DDTL: variants seen among roughly 807,000 people sequenced by gnomAD.
DDTL encodes the protein putative D-dopachrome decarboxylase-like protein.
Under a neutral mutation model 1.1 loss-of-function variants are expected in DDTL, and 1 was observed. The observed-to-expected ratio is 0.91, with a 90% CI of 0.32 to 4.31. DDTL has a LOEUF of 4.31. Ranked by LOEUF, DDTL falls within the 30% of genes most tolerant of loss-of-function variation. The pLI is 0.17. For synonymous variants in DDTL, 21 were observed against 16.6 expected, an observed-to-expected ratio of 1.26 and a Z score of -0.64; for missense variants, 54 against 48.9, an observed-to-expected ratio of 1.10 and a Z score of -0.31.
In DDTL at chr22:23,971,415, A is replaced by G; in HGVS notation, c.*9A>G. ...TCATTTATTTCATATGAGGATGAAG[A>G]AGAGGATTATGTGATCACAGGAATG... On this transcript the variant is annotated 3_prime_UTR_variant, in exon 3 of 3. Transcript: ENST00000215770. 1 of 1,612,936 alleles carries G rather than the reference A, an allele frequency of 6.2e-7. No homozygotes were observed. The highest frequency in any genetic ancestry group is 2.2e-5 in the East Asian group (1 of 44,870).
rs117241661 is a variant in DDTL at position 23,970,950 on chromosome 22, G to A, written c.285-336G>A. Among the ~76,000 whole-genome samples, 473 of 151,514 alleles carry A rather than the reference G, an allele frequency of 3.1e-3. 6 individuals carry two copies. Among genetic ancestry groups the A allele is most frequent in the East Asian group, 0.031 (159 of 5,170 alleles). On this transcript the variant is annotated intron_variant, in intron 2 of 2. Coordinates refer to ENST00000215770, the MANE Select transcript of DDTL (RefSeq NM_001084393.2). ...AAGCTTGCAACCCTGGGGAGGAGGA[G>A]GGGCAGACTGGGGACCCTGCTTCTG...
At position 23,970,799 on chromosome 22, in the gene DDTL, C is replaced by A. The variant is rs1056813771; in HGVS notation, c.285-487C>A. Among the ~76,000 whole-genome samples the A allele has an allele frequency of 3.6e-4, 55 of 152,090 alleles. 1 individual carries two copies. ...AGGAAGCCTTACCTGCCATTCATCC[C>A]CCCAGCTGTCCTCCCAGCCTGGGGA... On this transcript the variant is annotated intron_variant, in intron 2 of 2. Coordinates refer to ENST00000215770, the MANE Select transcript of DDTL (RefSeq NM_001084393.2).
chr22:23,969,993 A>C, intron 2 of DDTL: 1 of 378,788 alleles, frequency 2.6e-6, no homozygotes, highest in Non-Finnish European at 3.6e-6. Flanking sequence ...TCCTCATGTC[A>C]CCTGGCAGGA....
At chr22:23,970,507 CTG>C (rs1175357908) in intron 2 of DDTL, among the ~76,000 whole-genome samples, 1 of 151,166 alleles carries the variant, frequency 6.6e-6, no homozygotes, top group Non-Finnish European at 1.5e-5. Flanking sequence ...TCAGTGAATG[CTG>C]TGATTGTGTG....
At chr22:23,969,532 TG>T (rs2146207179) in intron 2 of DDTL, 1 of 985,452 alleles carries the variant, frequency 1.0e-6, no homozygotes, top group South Asian at 4.7e-5. Context: ...CCCACTGCCC[TG>T]CTGGGGGTTG....
At chr22:23,970,264 ACTG>A (rs999841278) in intron 2 of DDTL, among the ~76,000 whole-genome samples, 2 of 151,904 alleles carry the variant, frequency 1.3e-5, no homozygotes, top group Non-Finnish European at 2.9e-5. Context: ...ATGTCAGTGA[ACTG>A]TGTGTGAGTG....
Position 23,971,320 on chromosome 22 carries a change from C to T in DDTL, c.319C>T (p.His107Tyr). ...PTVLSTSPAA[H>Y]GGPRCPGEII... ...GGTCTTATCCACCAGCCCTGCTGCC[C>T]ATGGTGGCCCCAGATGCCCAGGAGA... Residue 107 changes from histidine (H) to tyrosine (Y), a missense_variant, in exon 3 of 3, where the codon CAT becomes TAT. His to Tyr is a moderately conservative substitution (Grantham distance 83). Transcript: ENST00000215770. 1 of 1,614,052 alleles carries T rather than the reference C, an allele frequency of 6.2e-7. No individual in the cohort carries two copies.
chr22:23,970,001 G>T, intron 2 of DDTL: 4 of 338,520 alleles, frequency 1.2e-5, no homozygotes, highest in Non-Finnish European at 1.7e-5. Context: ...TCACCTGGCA[G>T]GAGGAGGGAC....
At chr22:23,969,536 G>C (rs1286383764) in intron 2 of DDTL, 1 of 985,462 alleles carries the variant, frequency 1.0e-6, no homozygotes, top group African/African-American at 1.8e-5. Context: ...CTGCCCTGCT[G>C]GGGGTTGGGG....
At position 23,971,331 on chromosome 22, in the gene DDTL, C is replaced by A. The variant is rs2033895912; in HGVS notation, c.330C>A (p.Pro110=). The change falls in exon 3 of 3, where the codon CCC becomes CCA. Residue 110 remains proline, a synonymous_variant. Coordinates refer to ENST00000215770, the MANE Select transcript of DDTL (RefSeq NM_001084393.2). ...LSTSPAAHGG[P]RCPGEIIEGK... ...CCAGCCCTGCTGCCCATGGTGGCCC[C>A]AGATGCCCAGGAGAGATAATAGAAG... is the stretch of plus-strand genomic sequence containing the variant. 1 of 1,614,034 alleles carries A rather than the reference C, an allele frequency of 6.2e-7. No individual in the cohort carries two copies. The highest frequency in any genetic ancestry group is 1.3e-5 in the African/African-American group (1 of 74,930).
At position 23,971,946 on chromosome 22, in the gene DDTL, C is replaced by T. The variant is rs1431474940; in HGVS notation, c.*540C>T. 1 of 254,042 alleles carries T rather than the reference C, an allele frequency of 3.9e-6. No individual in the cohort carries two copies. Among genetic ancestry groups the T allele is most frequent in the Non-Finnish European group, 7.3e-6 (1 of 137,068 alleles). The allele number at this position is 254,042 out of a possible 1,614,324, so 15.7% of individuals were successfully genotyped here. A position where few individuals can be genotyped will look rare whatever the true frequency, so the allele number is the denominator to read the frequency against. On this transcript the variant is annotated 3_prime_UTR_variant, in exon 3 of 3. Coordinates refer to ENST00000215770, the MANE Select transcript of DDTL (RefSeq NM_001084393.2). ...ACCCTGCCTCCTAATTGCAGGCTCCCTAAGGGCACAGTACCTCAGCCACCT... is the reference window on the plus strand; with the variant it reads ...ACCCTGCCTCCTAATTGCAGGCTCCTTAAGGGCACAGTACCTCAGCCACCT...
Sources: gnomAD v4.1 joint callset for allele counts (sites outside exome capture counted in the v4.1 genomes callset) on GRCh38, gnomAD v4.1.1 for gene constraint, MANE v1.5 for transcripts, NCBI Gene and HGNC (gene_info 2026-07-23, HGNC 2026-07-21) for gene names.